The following USH2A variants were observed in gnomAD, a reference collection of about 807,000 sequenced individuals.
USH2A encodes the protein usherin, also known as Usher syndrome 2A (autosomal recessive, mild).
A neutral mutation model predicts 538.9 loss-of-function variants in USH2A; 443 were observed. That is an observed-to-expected ratio of 0.82 (90% CI 0.76 to 0.89). The LOEUF (loss-of-function observed/expected upper bound fraction) is 0.89, where lower values mean the gene tolerates loss of function less well. Ranked by LOEUF, USH2A falls within the 40% of genes least tolerant of loss-of-function variation. The pLI, the probability that USH2A is intolerant of heterozygous loss-of-function variation, is 0.00. For missense variants in USH2A, 6,633 were observed against 6,324.8 expected (o/e 1.05, Z -1.65); for synonymous variants, 2,413 against 2,273.5 (o/e 1.06, Z -1.75).
chr1:216,328,522 T>C (rs921839579), intron 4 of USH2A, among the ~76,000 whole-genome samples: 1 of 152,132 alleles, frequency 6.6e-6, no homozygotes, highest in African/African-American at 2.4e-5. Context: ...AAAAATAAAA[T>C]TGGAGCAATT....
At chr1:216,030,251 TAA>T (rs1305665911) in intron 32 of USH2A, among the ~76,000 whole-genome samples, 3 of 138,858 alleles carry the variant, frequency 2.2e-5, no homozygotes, top group Non-Finnish European at 4.5e-5. Flanking sequence ...CACAGATATA[TAA>T]TATATATGAT....
intron 34 of USH2A, among the ~76,000 whole-genome samples, chr1:215,995,633 A>G (rs890680635): frequency 6.6e-6 from 1 of 152,180 alleles, no homozygotes; most frequent in Non-Finnish European, 1.5e-5. Flanking sequence ...TGGAAAAACT[A>G]AACAAAATAG....
intron 35 of USH2A, among the ~76,000 whole-genome samples, chr1:215,986,298 TTTTTTC>T (rs1385397643): frequency 1.5e-5 from 2 of 134,122 alleles, no homozygotes; most frequent in Non-Finnish European, 3.1e-5. Flanking sequence ...TTTTTTTTTC[TTTTTTC>T]TTTTTCTTTT....
rs370579105 is a variant in USH2A, at chr1:215,776,227, A to G, written c.10939+3616T>C. Among the ~76,000 whole-genome samples the G allele has an allele frequency of 1.6e-3, 251 of 152,340 alleles. 1 individual carries two copies. Among genetic ancestry groups the G allele is most frequent in the African/African-American group, 5.9e-3 (245 of 41,586 alleles). The stretch of plus-strand genomic sequence containing the variant: ...TGACAAGCTGCCATGCGCTGTTTGC[A>G]TTAGCGAATATGAGAAGATGATGGC... On this transcript the variant is annotated intron_variant, in intron 55 of 71. Transcript: ENST00000307340.
intron 14 of USH2A, 26 bp from the exon 15 acceptor site, chr1:216,217,576 A>G (rs1433851710): frequency 1.2e-6 from 2 of 1,611,496 alleles, no homozygotes; most frequent in Admixed American, 3.3e-5. Context: ...ATAAACCATC[A>G]AAGAGAATAG....
Position 216,354,930 on chromosome 1 carries a change from C to T in USH2A, c.784+10023G>A, listed in dbSNP as rs149978030. The stretch of plus-strand genomic sequence containing the variant: ...GAATTTAAGCAAACCTCAAGCAGGA[C>T]AAATATAATGAAAATCATTCCTAGG... On this transcript the variant is annotated intron_variant, in intron 4 of 71. Coordinates refer to ENST00000307340, the MANE Select transcript of USH2A (RefSeq NM_206933.4). Among the ~76,000 whole-genome samples the T allele has an allele frequency of 3.8e-3, 576 of 152,016 alleles. 5 individuals are homozygous for T. The highest frequency in any genetic ancestry group is 0.013 in the African/African-American group (548 of 41,492).
intron 43 of USH2A, among the ~76,000 whole-genome samples, chr1:215,871,660 A>T (rs541882775): frequency 6.6e-6 from 1 of 152,358 alleles, no homozygotes; most frequent in East Asian, 1.9e-4. Flanking sequence ...TAAAATTGTT[A>T]TCTGTCCACC....
rs752678451 is a variant in USH2A, at chr1:215,650,851, G to A, written c.14134-50C>T. The A allele has an allele frequency of 5.6e-6, 8 of 1,427,234 alleles. No homozygotes were observed. The African/African-American group carries it at 7.9e-5, about 14-fold the overall frequency. 88.4% of individuals were successfully genotyped at this position (1,427,234 alleles called of 1,614,324 possible). A position where few individuals can be genotyped will look rare whatever the true frequency, so the allele number is the denominator to read the frequency against. ...GTCAAAAGCAAGATACCCTAAGGCTGGGAAAAAAAAAAAAAAAAGAAAGGA... is the reference window on the plus strand; with the variant it reads ...GTCAAAAGCAAGATACCCTAAGGCTAGGAAAAAAAAAAAAAAAAGAAAGGA... On this transcript the variant is annotated intron_variant, in intron 64 of 71. Transcript: ENST00000307340.
At chr1:216,035,296 AT>A (rs1179039592) in intron 32 of USH2A, among the ~76,000 whole-genome samples, 1 of 152,182 alleles carries the variant, frequency 6.6e-6, no homozygotes, top group African/African-American at 2.4e-5. Flanking sequence ...TAGTGTCCTT[AT>A]AAAAAGGAGA....
At chr1:215,898,182 C>A (rs567143580) in intron 40 of USH2A, among the ~76,000 whole-genome samples, 4 of 152,244 alleles carry the variant, frequency 2.6e-5, no homozygotes, top group South Asian at 2.1e-4. Context: ...TTTTGGGGAA[C>A]GGATTTAAAC....
At chr1:215,627,337 TTA>T (rs1358091502) in intron 71 of USH2A, among the ~76,000 whole-genome samples, 8 of 151,536 alleles carry the variant, frequency 5.3e-5, no homozygotes, top group Admixed American at 3.3e-4. Flanking sequence ...TCCTAGCTGG[TTA>T]TGTTTCTTTT....
chr1:216,258,478 G>A (rs2036300718), intron 11 of USH2A, among the ~76,000 whole-genome samples: 1 of 152,030 alleles, frequency 6.6e-6, no homozygotes, highest in Non-Finnish European at 1.5e-5. Flanking sequence ...TAAGGAAGAT[G>A]CTCTGTAGAT....
chr1:216,091,948 T>C (rs2102567991), intron 22 of USH2A, among the ~76,000 whole-genome samples: 1 of 152,200 alleles, frequency 6.6e-6, no homozygotes, highest in East Asian at 1.9e-4. Flanking sequence ...TCCTAGCACT[T>C]TGAGAGGCCA....
chr1:215,817,337 AAATC>A (rs1340769483), intron 47 of USH2A, 142 bp from the exon 48 acceptor site: 1 of 415,086 alleles, frequency 2.4e-6, no homozygotes, highest in East Asian at 6.1e-5. Flanking sequence ...ATATATTTTC[AAATC>A]AATCAAAATT....
intron 43 of USH2A, among the ~76,000 whole-genome samples, chr1:215,874,308 A>G (rs1296513201): frequency 1.3e-5 from 2 of 152,220 alleles, no homozygotes; most frequent in Non-Finnish European, 2.9e-5. Context: ...ATAAACCTGT[A>G]GTTATACGGA....
chr1:215,828,359 G>A (rs1380452640), intron 47 of USH2A, among the ~76,000 whole-genome samples: 1 of 152,164 alleles, frequency 6.6e-6, no homozygotes, highest in Non-Finnish European at 1.5e-5. Context: ...TCAGGAGGCT[G>A]AGGAAGTATT....
At chr1:216,399,738 G>T (rs1235180333) in intron 3 of USH2A, among the ~76,000 whole-genome samples, 1 of 152,034 alleles carries the variant, frequency 6.6e-6, no homozygotes, top group Non-Finnish European at 1.5e-5. Flanking sequence ...ACCATGAGGG[G>T]CAACAAGGCA....
At chr1:216,419,929 C>A (rs1020485172) in intron 2 of USH2A, among the ~76,000 whole-genome samples, 1 of 151,690 alleles carries the variant, frequency 6.6e-6, no homozygotes, top group Non-Finnish European at 1.5e-5. Flanking sequence ...CATTTACTGT[C>A]ACAATTTTAC....
intron 21 of USH2A, among the ~76,000 whole-genome samples, chr1:216,136,235 T>C (rs1023976252): frequency 6.6e-6 from 1 of 152,116 alleles, no homozygotes; most frequent in African/African-American, 2.4e-5. Context: ...GAAAACAAGA[T>C]TGCTATGCTA....
Sources: gnomAD v4.1 joint callset for allele counts (sites outside exome capture counted in the v4.1 genomes callset) on GRCh38, gnomAD v4.1.1 for gene constraint, MANE v1.5 for transcripts, NCBI Gene and HGNC (gene_info 2026-07-23, HGNC 2026-07-21) for gene names.